The following PPHLN1 variants were observed in gnomAD, a reference collection of about 807,000 sequenced individuals.
PPHLN1 encodes periphilin-1.
PPHLN1 carries 29 observed loss-of-function variants against 51.3 expected under a neutral mutation model. That is an observed-to-expected ratio of 0.57 (90% CI 0.42 to 0.77). The LOEUF (loss-of-function observed/expected upper bound fraction) is 0.77, where lower values mean the gene tolerates loss of function less well. Among genes scored for constraint, PPHLN1 ranks in the 30% least tolerant of loss-of-function variants. PPHLN1 has a pLI of 0.00. For missense variants in PPHLN1, 436 were observed against 438.4 expected (o/e 0.99, Z 0.05); for synonymous variants, 147 against 147.8 (o/e 0.99, Z 0.04).
chr12:42,417,943 G>GA (rs1555216678), intron 9 of PPHLN1, among the ~76,000 whole-genome samples: 1 of 88,392 alleles, frequency 1.1e-5, no homozygotes, highest in Non-Finnish European at 2.2e-5. Context: ...TTTTTTTTTT[G>GA]TTTTTTTTTT....
chr12:42,356,928 A>G (rs2074106781), intron 4 of PPHLN1, among the ~76,000 whole-genome samples: 1 of 152,232 alleles, frequency 6.6e-6, no homozygotes, highest in African/African-American at 2.4e-5. Context: ...CAGAAAATCT[A>G]GGAAAGTCTA....
At chr12:42,386,777 T>C (rs2077230337) in intron 6 of PPHLN1, among the ~76,000 whole-genome samples, 1 of 152,220 alleles carries the variant, frequency 6.6e-6, no homozygotes, top group Non-Finnish European at 1.5e-5. Context: ...TTGAACCTGC[T>C]AAAGTACTAT....
At chr12:42,446,131 A>T, downstream of PPHLN1, 1 of 1,575,832 alleles carries the variant, frequency 6.3e-7, no homozygotes, top group South Asian at 1.2e-5. Flanking sequence ...GTCGGACGAC[A>T]CAGCTTCGTC....
downstream of PPHLN1, chr12:42,446,717 A>C (rs1472744776): frequency 2.1e-6 from 3 of 1,460,338 alleles, no homozygotes; most frequent in Admixed American, 5.7e-5. Flanking sequence ...GGAGATGGTC[A>C]GGTTGGTAGG....
intron 8 of PPHLN1, 85 bp downstream of exon 8, chr12:42,393,774 C>T: frequency 7.4e-7 from 1 of 1,354,836 alleles, no homozygotes; most frequent in Non-Finnish European, 1.0e-6. Context: ...TTGGTTTATT[C>T]CTATACTTCA....
intron 3 of PPHLN1, among the ~76,000 whole-genome samples, chr12:42,352,774 A>G (rs535215308): frequency 1.3e-5 from 2 of 152,200 alleles, no homozygotes; most frequent in East Asian, 3.9e-4. Context: ...CACTCAAAAC[A>G]TCGTCATAGG....
chr12:42,358,890 G>A (rs1323655270), intron 4 of PPHLN1, among the ~76,000 whole-genome samples: 1 of 151,954 alleles, frequency 6.6e-6, no homozygotes, highest in Non-Finnish European at 1.5e-5. Context: ...GGGTCAGTGG[G>A]TATATATATG....
At chr12:42,333,833 C>CA (rs1429536725) in intron 1 of PPHLN1, among the ~76,000 whole-genome samples, 1 of 152,186 alleles carries the variant, frequency 6.6e-6, no homozygotes, top group Admixed American at 6.5e-5. Context: ...CTCATCACTG[C>CA]AGTTGGATTT....
downstream of PPHLN1, chr12:42,444,952 C>G: frequency 1.5e-6 from 1 of 660,360 alleles, no homozygotes; most frequent in Non-Finnish European, 2.7e-6. Flanking sequence ...ACTCAGAGAG[C>G]TGAGGTTGGA....
intron 3 of PPHLN1, among the ~76,000 whole-genome samples, chr12:42,352,544 GGATTA>G (rs2073502766): frequency 6.6e-6 from 1 of 151,562 alleles, no homozygotes; most frequent in Non-Finnish European, 1.5e-5. Flanking sequence ...CAAGTAGCTG[GGATTA>G]CAGGCACGTG....
intron 1 of PPHLN1, among the ~76,000 whole-genome samples, chr12:42,327,187 C>A (rs1006390808): frequency 6.6e-6 from 1 of 152,210 alleles, no homozygotes; most frequent in African/African-American, 2.4e-5. Context: ...TTTCTTTCGA[C>A]TTAGGCTATC....
intron 5 of PPHLN1, among the ~76,000 whole-genome samples, chr12:42,384,358 G>A (rs944477357): frequency 2.0e-5 from 3 of 152,140 alleles, no homozygotes; most frequent in African/African-American, 7.2e-5. Context: ...CTGACTACTA[G>A]TATATTTAGG....
At chr12:42,442,457 C>T (rs149345107), downstream of PPHLN1, among the ~76,000 whole-genome samples, 3 of 152,292 alleles carry the variant, frequency 2.0e-5, no homozygotes, top group African/African-American at 7.2e-5. Context: ...CGACAATGTT[C>T]ATTACTCACA....
chr12:42,437,456 G>A (rs1419395933), intron 9 of PPHLN1, among the ~76,000 whole-genome samples: 5 of 152,164 alleles, frequency 3.3e-5, no homozygotes, highest in African/African-American at 1.2e-4. Flanking sequence ...TGAAACTCGG[G>A]CACAAAAGTT....
chr12:42,393,757 A>G, intron 8 of PPHLN1, 68 bp downstream of exon 8: 1 of 1,462,164 alleles, frequency 6.8e-7, no homozygotes, highest in Non-Finnish European at 9.2e-7. Context: ...TTATGGGCGA[A>G]AAATATTTGG....
intron 7 of PPHLN1, among the ~76,000 whole-genome samples, chr12:42,390,431 A>T (rs1232189171): frequency 6.6e-6 from 1 of 152,242 alleles, no homozygotes; most frequent in Non-Finnish European, 1.5e-5. Flanking sequence ...AATTCAAATT[A>T]TTATATATGA....
intron 9 of PPHLN1, among the ~76,000 whole-genome samples, chr12:42,406,439 C>T (rs568801432): frequency 3.8e-4 from 58 of 152,052 alleles, no homozygotes; most frequent in Middle Eastern, 3.4e-3. Flanking sequence ...TGTCTAGCAT[C>T]TTTTGTTCAA....
At chr12:42,358,740 A>G (rs549491793) in intron 4 of PPHLN1, among the ~76,000 whole-genome samples, 4 of 152,286 alleles carry the variant, frequency 2.6e-5, no homozygotes, top group African/African-American at 9.6e-5. Context: ...GTAATAGTCC[A>G]TGGTGAGGAT....
chr12:42,434,412 C>T (rs764119575), intron 9 of PPHLN1, among the ~76,000 whole-genome samples: 1 of 152,214 alleles, frequency 6.6e-6, no homozygotes, highest in Non-Finnish European at 1.5e-5. Context: ...AAGTAAAGCA[C>T]TTTCTGTGAG....
Sources: allele counts gnomAD v4.1 joint callset (sites outside exome capture counted in the v4.1 genomes callset), GRCh38; gene constraint gnomAD v4.1.1; transcripts MANE v1.5; gene names NCBI Gene and HGNC (gene_info 2026-07-23, HGNC 2026-07-21).